The following VPS41 variants were observed in gnomAD, a reference collection of about 807,000 sequenced individuals.
VPS41 encodes the protein vacuolar protein sorting-associated protein 41 homolog.
VPS41 carries 85 observed loss-of-function variants against 130.9 expected under a neutral mutation model. The ratio of observed to expected loss-of-function variants is 0.65; its 90% CI spans 0.55 to 0.78. The LOEUF (loss-of-function observed/expected upper bound fraction) is 0.78, where lower values mean the gene tolerates loss of function less well. Ranked by LOEUF, VPS41 falls within the 30% of genes least tolerant of loss-of-function variation. The pLI, the probability that VPS41 is intolerant of heterozygous loss-of-function variation, is 0.00. For synonymous variants in VPS41, 335 were observed against 332.9 expected (o/e 1.01, Z -0.07); for missense variants, 874 against 1,018.7 (o/e 0.86, Z 1.93).
chr7:38,740,967 C>G (rs1415495459), intron 25 of VPS41, among the ~76,000 whole-genome samples: 2 of 152,184 alleles, frequency 1.3e-5, no homozygotes, highest in African/African-American at 4.8e-5. Flanking sequence ...ATCACACTCT[C>G]TGGCACAACC....
At chr7:38,817,771 A>G (rs1009722318) in intron 7 of VPS41, 46 bp downstream of exon 7, 8 of 1,472,030 alleles carry the variant, frequency 5.4e-6, no homozygotes, top group Non-Finnish European at 6.7e-6. Context: ...TAAGCACACA[A>G]CACCCCTCAA....
chr7:38,818,067 T>C (rs1385703448), intron 6 of VPS41, among the ~76,000 whole-genome samples, 185 bp from the exon 7 acceptor site: 1 of 152,124 alleles, frequency 6.6e-6, no homozygotes, highest in Non-Finnish European at 1.5e-5. Context: ...CGTGAAAAGA[T>C]TTCTTCTCTG....
chr7:38,875,915 G>T (rs1423963940), intron 2 of VPS41, among the ~76,000 whole-genome samples: 1 of 152,174 alleles, frequency 6.6e-6, no homozygotes, highest in East Asian at 1.9e-4. Context: ...ATGTAATCTG[G>T]ATGGCATGGG....
At chr7:38,768,668 T>C (rs1165354723) in intron 14 of VPS41, among the ~76,000 whole-genome samples, 1 of 152,018 alleles carries the variant, frequency 6.6e-6, no homozygotes, top group Non-Finnish European at 1.5e-5. Context: ...TGGAAACAGA[T>C]CACACGTAAC....
chr7:38,848,647 T>A (rs1174148195), intron 4 of VPS41, among the ~76,000 whole-genome samples: 2 of 152,122 alleles, frequency 1.3e-5, no homozygotes, highest in African/African-American at 4.8e-5. Flanking sequence ...TGAAATCAGG[T>A]GTGATTATGA....
At chr7:38,733,754 T>C (rs768494098) in intron 25 of VPS41, among the ~76,000 whole-genome samples, 22 of 152,194 alleles carry the variant, frequency 1.4e-4, no homozygotes, top group Non-Finnish European at 2.2e-4. Flanking sequence ...TATTAACCTT[T>C]GCTTTGTAAC....
At chr7:38,749,721 T>C (rs1796053923) in intron 22 of VPS41, among the ~76,000 whole-genome samples, 1 of 152,204 alleles carries the variant, frequency 6.6e-6, no homozygotes, top group South Asian at 2.1e-4. Flanking sequence ...TGCCCTTTAC[T>C]AGCAAGCTTG....
In VPS41 at chr7:38,795,568, T is replaced by C. The variant is rs376225538; in HGVS notation, c.614A>G (p.Asn205Ser). Residue 205 changes from asparagine to serine, a missense_variant, in exon 9 of 29, where the codon AAT (asparagine) becomes AGT (serine). Coordinates refer to ENST00000310301, the MANE Select transcript of VPS41 (RefSeq NM_014396.4). The part of the protein sequence containing the change: ...FDIISKQRIT[N>S]VPRDDISLRP... ...AAGACTTATATCATCCCGGGGCACA[T>C]TGGTGATTCTTTGCTTTGAGATGAT... 3.0e-5 allele frequency: 48 copies of C among 1,612,840 alleles called. No individual in the cohort carries two copies. Among genetic ancestry groups the C allele is most frequent in the African/African-American group, 5.3e-5 (4 of 74,866 alleles).
intron 8 of VPS41, chr7:38,796,538 TC>T: frequency 1.4e-6 from 1 of 723,400 alleles, no homozygotes; most frequent in Non-Finnish European, 2.4e-6. Flanking sequence ...TAAAATAGAT[TC>T]CAGAATATGT....
At chr7:38,728,495 A>C in intron 27 of VPS41, 47 bp downstream of exon 27, 9 of 1,608,048 alleles carry the variant, frequency 5.6e-6, no homozygotes, top group Non-Finnish European at 7.7e-6. Context: ...GATTCCACTC[A>C]TCATTAAAAT....
intron 4 of VPS41, among the ~76,000 whole-genome samples, chr7:38,859,118 GA>G (rs1189327693): frequency 1.4e-5 from 2 of 140,624 alleles, no homozygotes; most frequent in Admixed American, 7.0e-5. Context: ...AAGTAAAAAA[GA>G]AAAAAAAAAC....
rs1281692803 is a variant in VPS41, at chr7:38,723,889, A to G, written c.*2357T>C. ...TGACTAACACTTGGATTATTTTGCC[A>G]TATTTAAGCCCTTATAGGTTGATGA... is the stretch of plus-strand genomic sequence containing the variant. On this transcript the variant is annotated 3_prime_UTR_variant, in exon 29 of 29. Coordinates refer to ENST00000310301, the MANE Select transcript of VPS41 (RefSeq NM_014396.4). 1.3e-5 allele frequency: 2 copies of G among 152,140 alleles called. No homozygotes were observed. Among genetic ancestry groups the G allele is most frequent in the African/African-American group, 4.8e-5 (2 of 41,432 alleles). 9.4% of individuals were successfully genotyped at this position (152,140 alleles called of 1,614,324 possible).
intron 10 of VPS41, among the ~76,000 whole-genome samples, chr7:38,788,149 C>A (rs1784472447): frequency 6.6e-6 from 1 of 152,172 alleles, no homozygotes; most frequent in Admixed American, 6.5e-5. Flanking sequence ...CTAATTCCCA[C>A]ACCCATCCTA....
At chr7:38,887,557 TGTACCTGAAAGTGGC>T (rs1277923123) in intron 2 of VPS41, among the ~76,000 whole-genome samples, 1 of 152,122 alleles carries the variant, frequency 6.6e-6, no homozygotes, top group Non-Finnish European at 1.5e-5. Context: ...GTCTGATTGG[TGTACCTGAAAGTGGC>T]GGGGATAATG....
intron 10 of VPS41, among the ~76,000 whole-genome samples, chr7:38,782,052 A>C (rs6955001): frequency 1 from 151,788 of 152,336 alleles, 75,622 homozygotes; most frequent in Middle Eastern, 1. Flanking sequence ...AATATGGCAG[A>C]TTGCTTTCTG....
At chr7:38,803,882 C>A (rs1436886786) in intron 7 of VPS41, among the ~76,000 whole-genome samples, 1 of 152,206 alleles carries the variant, frequency 6.6e-6, no homozygotes, top group East Asian at 1.9e-4. Flanking sequence ...CACGCAGCTT[C>A]TCTAAACACC....
chr7:38,856,440 T>C (rs1785987173), intron 4 of VPS41, among the ~76,000 whole-genome samples: 2 of 152,232 alleles, frequency 1.3e-5, no homozygotes, highest in South Asian at 4.2e-4. Flanking sequence ...TTTCTAATTA[T>C]ACATCCAATG....
chr7:38,806,275 T>C (rs970641951), intron 7 of VPS41, among the ~76,000 whole-genome samples: 5 of 152,146 alleles, frequency 3.3e-5, no homozygotes, highest in Non-Finnish European at 4.4e-5. Context: ...TAAGAATCAA[T>C]GGTAGGAAAA....
intron 4 of VPS41, among the ~76,000 whole-genome samples, chr7:38,838,044 C>T (rs17171470): frequency 6.6e-6 from 1 of 152,058 alleles, no homozygotes; most frequent in Non-Finnish European, 1.5e-5. Flanking sequence ...ATGCACATTC[C>T]ATTTCCATAA....
Sources: allele counts gnomAD v4.1 joint callset (sites outside exome capture counted in the v4.1 genomes callset), GRCh38; gene constraint gnomAD v4.1.1; transcripts MANE v1.5; gene names NCBI Gene and HGNC (gene_info 2026-07-23, HGNC 2026-07-21).